The following SACS variants were observed in gnomAD, a reference collection of about 807,000 sequenced individuals.
The protein encoded by SACS is sacsin.
A neutral mutation model predicts 348.0 loss-of-function variants in SACS; 197 were observed. The observed-to-expected ratio is 0.57, with a 90% CI of 0.50 to 0.64. The LOEUF is 0.64. SACS is among the 30% of genes least tolerant of loss of function. SACS has a pLI of 0.00. For missense variants in SACS, 4,999 were observed against 5,360.8 expected (o/e 0.93, Z 2.11); for synonymous variants, 1,985 against 1,910.6 (o/e 1.04, Z -1.02).
chr13:23,345,482 T>C (rs963369293), intron 9 of SACS, among the ~76,000 whole-genome samples: 3 of 152,076 alleles, frequency 2.0e-5, no homozygotes, highest in African/African-American at 7.2e-5. Context: ...TCCTAAAAAA[T>C]CACCACTGAC....
In SACS at chr13:23,368,752, G is replaced by C. The variant is rs185733055; in HGVS notation, c.260-265C>G. On this transcript the variant is annotated intron_variant, in intron 4 of 9. Transcript: ENST00000382292. Reference sequence around the variant, plus strand: ...CTCGCTCTGTCGCCCAAGCTGAAGTGCAGTCGTGTGATCTCCCCTCACTGC... The same window carrying C: ...CTCGCTCTGTCGCCCAAGCTGAAGTCCAGTCGTGTGATCTCCCCTCACTGC... Among the ~76,000 whole-genome samples the C allele has an allele frequency of 9.2e-5, 14 of 152,308 alleles. No homozygotes were observed. In the East Asian group the frequency reaches 2.7e-3, roughly 29 times the overall value.
chr13:23,409,330 C>T (rs1473185225), intron 2 of SACS, among the ~76,000 whole-genome samples: 3 of 148,368 alleles, frequency 2.0e-5, no homozygotes, highest in African/African-American at 7.5e-5. Flanking sequence ...GCTGGGATTA[C>T]AGGGGTGAGC....
At position 23,375,271 on chromosome 13, in the gene SACS, T is replaced by G; in HGVS notation, c.21-2A>C. ...GGGAGCACGGTCACCGGGACCCACCTGTGGAAAGCAGAGGGACGCTCAGTC... is the reference window on the plus strand; with the variant it reads ...GGGAGCACGGTCACCGGGACCCACCGGTGGAAAGCAGAGGGACGCTCAGTC... On this transcript the variant is annotated splice_acceptor_variant, in intron 2 of 9. Transcript: ENST00000382292. LOFTEE classifies it high-confidence loss of function. 1 of 1,460,208 alleles carries G rather than the reference T, an allele frequency of 6.8e-7. No individual in the cohort carries two copies. Among genetic ancestry groups the G allele is most frequent in the Non-Finnish European group, 9.1e-7 (1 of 1,100,972 alleles). The allele number at this position is 1,460,208 out of a possible 1,614,324, so 90.5% of individuals were successfully genotyped here.
intron 2 of SACS, among the ~76,000 whole-genome samples, chr13:23,402,287 G>A (rs189407460): frequency 6.6e-6 from 1 of 152,090 alleles, no homozygotes; most frequent in East Asian, 1.9e-4. Flanking sequence ...GGGACTGAAT[G>A]AACTAATAAA....
Position 23,336,367 on chromosome 13 carries a change from G to T in SACS, c.7509C>A (p.His2503Gln), listed in dbSNP as rs376944431. The T allele has an allele frequency of 6.2e-7, 1 of 1,614,084 alleles. No homozygotes were observed. The highest frequency in any genetic ancestry group is 8.5e-7 in the Non-Finnish European group (1 of 1,179,946). The change falls in exon 10 of 10, where the codon CAC becomes CAA. Residue 2503 changes from histidine to glutamine, a missense_variant. His to Gln is a conservative substitution (Grantham distance 24, BLOSUM62 0). This residue lies in a region of SACS where 3,156 missense variants were observed against 3,380.1 expected (regional missense o/e 0.93). Coordinates refer to ENST00000382292, the MANE Select transcript of SACS (RefSeq NM_014363.6). ...TGGATGCATATCTTTCTAAGGCTTT[G>T]TGTCGCTTTGGGACTGCTCCTAGTT... ...AVKLGAVPKR[H>Q]KALERYASNV...
At position 23,339,770 on chromosome 13, in the gene SACS, T is replaced by C. The variant is rs1460377408; in HGVS notation, c.4106A>G (p.Asn1369Ser). The C allele has an allele frequency of 8.1e-6, 13 of 1,613,996 alleles. No homozygotes were observed. Among genetic ancestry groups the C allele is most frequent in the South Asian group, 3.3e-5 (3 of 91,076 alleles). The stretch of plus-strand genomic sequence containing the variant: ...TGTGTTGGGGCTTGCTGGAATCTGA[T>C]TGCTATACAGCCATCTGATAATATT... The part of the protein sequence containing the change: ...MLNIIRWLYS[N>S]QIPASPNTPV... Residue 1369 changes from asparagine to serine, a missense_variant, in exon 10 of 10, where the codon AAT (asparagine) becomes AGT (serine). Around this residue, in one of 6 missense-constraint regions of SACS, gnomAD observed 3,156 missense variants for 3,380.1 expected, o/e 0.93. Transcript: ENST00000382292.
At chr13:23,405,358 T>A (rs111325251) in intron 2 of SACS, among the ~76,000 whole-genome samples, 9 of 152,260 alleles carry the variant, frequency 5.9e-5, no homozygotes, top group African/African-American at 1.9e-4. Context: ...GGCTAGCCAT[T>A]TGCAGAAAAC....
Position 23,339,632 on chromosome 13 carries a change from G to C in SACS, c.4244C>G (p.Ser1415Cys), listed in dbSNP as rs756436405. Reference protein sequence around the residue: ...VDDLNDLLEDSVEPIILVHED... With the variant: ...VDDLNDLLEDCVEPIILVHED... Reference sequence around the variant, plus strand: ...ATGCACCAAAATGATTGGTTCCACAGAATCTTCAAGTAAGTCATTAAGGTC... The same window carrying C: ...ATGCACCAAAATGATTGGTTCCACACAATCTTCAAGTAAGTCATTAAGGTC... The change falls in exon 10 of 10, where the codon TCT (serine) becomes TGT (cysteine). Residue 1415 changes from serine to cysteine, a missense_variant. This residue lies in a region of SACS where 3,156 missense variants were observed against 3,380.1 expected (regional missense o/e 0.93). Transcript: ENST00000382292. The C allele has an allele frequency of 1.2e-5, 20 of 1,611,798 alleles. No homozygotes were observed. The highest frequency in any genetic ancestry group is 1.6e-5 in the Non-Finnish European group (19 of 1,178,456).
chr13:23,425,424 C>T (rs1874129260), intron 1 of SACS, among the ~76,000 whole-genome samples: 1 of 152,082 alleles, frequency 6.6e-6, no homozygotes, highest in South Asian at 2.1e-4. Context: ...GGACTGGAGT[C>T]CACTTGACTA....
rs201734130 is a variant in SACS, at chr13:23,343,246, TATA to T, written c.2186-1559_2186-1557del. Among the ~76,000 whole-genome samples the T allele has an allele frequency of 2.6e-4, 39 of 152,308 alleles. No homozygotes were observed. In the East Asian group the frequency reaches 6.2e-3, roughly 24 times the overall value. On this transcript the variant is annotated intron_variant, in intron 9 of 9. Coordinates refer to ENST00000382292, the MANE Select transcript of SACS (RefSeq NM_014363.6). ...ATTTAGTATTTCAGAGTATAACATTTATAATATCAGTAGGAACAAAATGAAAAA... is the reference window on the plus strand; with the variant it reads ...ATTTAGTATTTCAGAGTATAACATTTATATCAGTAGGAACAAAATGAAAAA...
intron 5 of SACS, 25 bp from the exon 6 acceptor site, chr13:23,365,302 T>G: frequency 7.9e-7 from 1 of 1,272,768 alleles, no homozygotes; most frequent in Non-Finnish European, 1.1e-6. Context: ...TACCAAAAAA[T>G]AGTAATTAAT....
intron 2 of SACS, among the ~76,000 whole-genome samples, chr13:23,378,009 C>T (rs903861597): frequency 1.3e-5 from 2 of 152,190 alleles, no homozygotes; most frequent in Admixed American, 6.5e-5. Context: ...ACAATTGCTT[C>T]GCTTTTATTT....
chr13:23,371,197 G>A (rs775288095), intron 3 of SACS, 32 bp from the exon 4 acceptor site: 2 of 1,411,858 alleles, frequency 1.4e-6, no homozygotes, highest in South Asian at 2.3e-5. Flanking sequence ...TGTATGAAAA[G>A]CAATACAGTC....
intron 2 of SACS, among the ~76,000 whole-genome samples, chr13:23,408,052 G>T (rs555537275): frequency 6.6e-6 from 1 of 152,094 alleles, no homozygotes; most frequent in Non-Finnish European, 1.5e-5. Context: ...TGTTGCAATC[G>T]TCTTGATGCC....
chr13:23,355,482 A>G lies in SACS; in HGVS notation c.1130T>C (p.Ile377Thr). The G allele has an allele frequency of 1.9e-6, 3 of 1,614,120 alleles. No homozygotes were observed. The highest frequency in any genetic ancestry group is 8.5e-7 in the Non-Finnish European group (1 of 1,179,998). ...NITCVTYHVN[I>T]VLEEESTKDA... ...CTTAGTACTCTCCTCTTCTAAAACA[A>G]TATTTACGTGATATGTTACACAGGT... Residue 377 changes from isoleucine (I) to threonine (T), a missense_variant, in exon 8 of 10, where the codon ATT becomes ACT. Ile to Thr is a moderately conservative substitution (Grantham distance 89). Transcript: ENST00000382292.
intron 1 of SACS, among the ~76,000 whole-genome samples, chr13:23,420,654 C>A (rs1194517369): frequency 1.3e-5 from 2 of 152,098 alleles, no homozygotes; most frequent in African/African-American, 2.4e-5. Flanking sequence ...CCACCTGAGG[C>A]CTTGGTGTCA....
intron 4 of SACS, among the ~76,000 whole-genome samples, chr13:23,370,301 C>T (rs904014805): frequency 1.3e-5 from 2 of 152,176 alleles, no homozygotes; most frequent in African/African-American, 4.8e-5. Flanking sequence ...AACTCAAATA[C>T]AAAGCACTGC....
chr13:23,388,982 A>G (rs1872419684), intron 2 of SACS, among the ~76,000 whole-genome samples: 1 of 152,194 alleles, frequency 6.6e-6, no homozygotes, highest in African/African-American at 2.4e-5. Context: ...ATTTTAATCC[A>G]TGTATTCAAA....
rs771486829 is a variant in SACS, at chr13:23,341,075, G to A, written c.2801C>T (p.Ser934Phe). The A allele has an allele frequency of 1.2e-6, 2 of 1,614,078 alleles. No individual in the cohort carries two copies. Among genetic ancestry groups the A allele is most frequent in the Non-Finnish European group, 8.5e-7 (1 of 1,179,992 alleles). The change falls in exon 10 of 10, where the codon TCT becomes TTT. Residue 934 changes from serine to phenylalanine, a missense_variant. By Grantham distance (155) the Ser-to-Phe change is radical. Coordinates refer to ENST00000382292, the MANE Select transcript of SACS (RefSeq NM_014363.6). Reference sequence around the variant, plus strand: ...TGTATAAGAGGAAATTCCCTGATCAGAAGAATGGTTAATGCGCTTGAATAT... The same window carrying A: ...TGTATAAGAGGAAATTCCCTGATCAAAAGAATGGTTAATGCGCTTGAATAT... ...LAIFKRINHS[S>F]DQGISSYTKL...
Sources: allele counts gnomAD v4.1 joint callset (sites outside exome capture counted in the v4.1 genomes callset), GRCh38; gene constraint gnomAD v4.1.1; regional missense constraint gnomAD v4.1.1; transcripts MANE v1.5; gene names NCBI Gene and HGNC (gene_info 2026-07-23, HGNC 2026-07-21).